The following ZNF584 variants were observed in gnomAD, a reference collection of about 807,000 sequenced individuals.
The protein encoded by ZNF584 is zinc finger protein 584.
A neutral mutation model predicts 14.7 loss-of-function variants in ZNF584; 12 were observed. That is an observed-to-expected ratio of 0.82 (90% CI 0.52 to 1.32). The LOEUF is 1.32. Among genes scored for constraint, ZNF584 ranks in the 40% most tolerant of loss-of-function variants. The pLI, the probability that ZNF584 is intolerant of heterozygous loss-of-function variation, is 0.00. For synonymous variants in ZNF584, 204 were observed against 190.9 expected (o/e 1.07, Z -0.57); for missense variants, 478 against 518.8 (o/e 0.92, Z 0.76).
chr19:58,417,347 A>G lies in ZNF584; in HGVS notation c.829A>G (p.Lys277Glu), dbSNP rs1460225005. ...ERPYECSKCG[K>E]TFSVLSTLIR... is the part of the protein sequence containing the mutation. ...GCCTTACGAGTGCAGCAAATGTGGT[A>G]AAACCTTCAGTGTTCTGTCTACCCT... is the stretch of plus-strand genomic sequence containing the variant. The change falls in exon 4 of 4, where the codon AAA (lysine) becomes GAA (glutamate). Residue 277 changes from lysine (K) to glutamate (E), a missense_variant. By Grantham distance (56) the Lys-to-Glu change is moderately conservative. Transcript: ENST00000306910. The G allele has an allele frequency of 6.2e-7, 1 of 1,614,150 alleles. No homozygotes were observed. Among genetic ancestry groups the G allele is most frequent in the South Asian group, 1.1e-5 (1 of 91,084 alleles).
In ZNF584 at chr19:58,408,796, G is replaced by C; in HGVS notation, c.-352G>C. 2 of 244,488 alleles carry C rather than the reference G, an allele frequency of 8.2e-6. No individual in the cohort carries two copies. The highest frequency in any genetic ancestry group is 1.5e-4 in the East Asian group (2 of 13,472). 15.1% of individuals were successfully genotyped at this position (244,488 alleles called of 1,614,324 possible). On this transcript the variant is annotated 5_prime_UTR_variant, in exon 1 of 4. Coordinates refer to ENST00000306910, the MANE Select transcript of ZNF584 (RefSeq NM_173548.3). The stretch of plus-strand genomic sequence containing the variant: ...GTCCGCAGTCCTCGGCGGGAAGGCT[G>C]TCCCGGCGCCTCAGGCAGCTCTGCG...
upstream of ZNF584, chr19:58,404,503 A>T (rs2052451069): frequency 6.1e-6 from 1 of 164,898 alleles, no homozygotes; most frequent in South Asian, 1.2e-4. Context: ...TAATCCATTC[A>T]ACCCTGAGTG....
chr19:58,409,193 A>AG, intron 1 of ZNF584, 28 bp downstream of exon 1: 2 of 1,409,932 alleles, frequency 1.4e-6, no homozygotes, highest in South Asian at 1.6e-5. Flanking sequence ...CCGAGGAATG[A>AG]GGGGGCCCAC....
intron 2 of ZNF584, among the ~76,000 whole-genome samples, chr19:58,412,154 T>A (rs1252392913): frequency 2.0e-5 from 3 of 150,424 alleles, no homozygotes; most frequent in Non-Finnish European, 4.4e-5. Flanking sequence ...CTAATTTTTT[T>A]ATTTTTAGTA....
Position 58,409,032 on chromosome 19 carries a change from A to T in ZNF584, c.-116A>T. 8 of 1,333,662 alleles carry T rather than the reference A, an allele frequency of 6.0e-6. No individual in the cohort carries two copies. The highest frequency in any genetic ancestry group is 6.0e-6 in the Non-Finnish European group (6 of 1,005,574). 82.6% of individuals were successfully genotyped at this position (1,333,662 alleles called of 1,614,324 possible). ...GGTTCCCTGTCTTCGGACGCATTTC[A>T]CCCGCGCGGGGAGAGCTTCCCGGGA... On this transcript the variant is annotated 5_prime_UTR_variant, in exon 1 of 4. Transcript: ENST00000306910.
At chr19:58,406,316 C>T (rs952381953), upstream of ZNF584, 1 of 114,714 alleles carries the variant, frequency 8.7e-6, no homozygotes, top group South Asian at 3.2e-4. Flanking sequence ...AGCTTCGGCT[C>T]GGCATCAGAG....
rs2052501241 is a variant in ZNF584, at chr19:58,408,814, G to A, written c.-334G>A. ...GAAGGCTGTCCCGGCGCCTCAGGCA[G>A]CTCTGCGTGGGCCGGGGTGACTTCC... On this transcript the variant is annotated 5_prime_UTR_variant, in exon 1 of 4. Coordinates refer to ENST00000306910, the MANE Select transcript of ZNF584 (RefSeq NM_173548.3). The A allele has an allele frequency of 1.1e-5, 3 of 277,476 alleles. No homozygotes were observed. The highest frequency in any genetic ancestry group is 1.4e-4 in the South Asian group (1 of 6,970). The allele number at this position is 277,476 out of a possible 1,614,324, so 17.2% of individuals were successfully genotyped here.
In ZNF584 at chr19:58,417,958, G is replaced by T. The variant is rs1056786379; in HGVS notation, c.*174G>T. 8.1e-6 allele frequency: 6 copies of T among 736,662 alleles called. No homozygotes were observed. In the African/African-American group the frequency reaches 1.1e-4, roughly 13 times the overall value. The allele number at this position is 736,662 out of a possible 1,614,324, so 45.6% of individuals were successfully genotyped here. ...CGGGAGCCACATTGCACTCTGACTT[G>T]CCTGGGGCTGTTGGCAGTGTCACAT... On this transcript the variant is annotated 3_prime_UTR_variant, in exon 4 of 4. Coordinates refer to ENST00000306910, the MANE Select transcript of ZNF584 (RefSeq NM_173548.3).
chr19:58,407,765 T>A (rs2052486558), upstream of ZNF584, among the ~76,000 whole-genome samples: 1 of 152,196 alleles, frequency 6.6e-6, no homozygotes, highest in African/African-American at 2.4e-5. Context: ...TGCTCTAACA[T>A]GAACGCGTCT....
chr19:58,415,898 C>A, intron 3 of ZNF584: 1 of 1,599,054 alleles, frequency 6.3e-7, no homozygotes, highest in East Asian at 2.2e-5. Flanking sequence ...CTACTGTTGG[C>A]GACTCAGTGC....
upstream of ZNF584, chr19:58,404,691 CT>C (rs2052452454): frequency 4.4e-6 from 1 of 226,810 alleles, no homozygotes; most frequent in Non-Finnish European, 8.8e-6. Flanking sequence ...TCTTTCCCCC[CT>C]TTCTATTCCA....
intron 3 of ZNF584, 37 bp from the exon 4 acceptor site, chr19:58,416,774 A>C: frequency 2.0e-6 from 3 of 1,519,380 alleles, no homozygotes; most frequent in Non-Finnish European, 1.8e-6. Flanking sequence ...TCCTCCCTCT[A>C]GTTCAACTCT....
In ZNF584 at chr19:58,410,543, A is replaced by ATGTG. The variant is rs1386931776; in HGVS notation, c.169+453_169+454insGTGT. Among the ~76,000 whole-genome samples the ATGTG allele has an allele frequency of 5.9e-3, 136 of 23,148 alleles. 25 individuals are homozygous for ATGTG. Among genetic ancestry groups the ATGTG allele is most frequent in the Non-Finnish European group, 9.9e-3 (118 of 11,964 alleles). 15.2% of individuals were successfully genotyped at this position (23,148 alleles called of 152,430 possible). A position where few individuals can be genotyped will look rare whatever the true frequency, so the allele number is the denominator to read the frequency against. On this transcript the variant is annotated intron_variant, in intron 2 of 3. Transcript: ENST00000306910. ...AATATATATATATATATATATATAT[A>ATGTG]TATATATATATATATGTGTATATAT...
At chr19:58,410,561 G>GTATATATATATATA (rs1223527646) in intron 2 of ZNF584, among the ~76,000 whole-genome samples, 1 of 20,450 alleles carries the variant, frequency 4.9e-5, no homozygotes, top group South Asian at 1.1e-3. Context: ...ATATATATGT[G>GTATATATATATATA]TATATATATA....
upstream of ZNF584, among the ~76,000 whole-genome samples, chr19:58,407,731 C>A (rs759784593): frequency 2.0e-5 from 3 of 152,188 alleles, no homozygotes; most frequent in African/African-American, 4.8e-5. Context: ...GAACTCCGTT[C>A]GTCCGGGAGG....
upstream of ZNF584, chr19:58,405,914 C>T (rs552136207): frequency 1.1e-3 from 199 of 175,358 alleles, no homozygotes; most frequent in African/African-American, 4.3e-3. Flanking sequence ...GGCGGCCAGG[C>T]GGAGACGCTC....
chr19:58,403,274 A>T (rs562595144), intron 1 of ZNF584, among the ~76,000 whole-genome samples: 1 of 152,342 alleles, frequency 6.6e-6, no homozygotes, highest in East Asian at 1.9e-4. Context: ...ATCAACCCAG[A>T]TGTCCTTCAA....
chr19:58,402,244 T>C (rs2052436330), intron 1 of ZNF584, among the ~76,000 whole-genome samples: 1 of 147,486 alleles, frequency 6.8e-6, no homozygotes, highest in Non-Finnish European at 1.5e-5. Flanking sequence ...CGGCTTGGCG[T>C]GGCAAAGCTG....
intron 3 of ZNF584, chr19:58,416,401 TA>T: frequency 7.8e-6 from 1 of 128,694 alleles, no homozygotes; most frequent in Non-Finnish European, 1.5e-5. Flanking sequence ...CATGCCTGGC[TA>T]ATTTTTTTTT....
Sources: gnomAD v4.1 joint callset for allele counts (sites outside exome capture counted in the v4.1 genomes callset) on GRCh38, gnomAD v4.1.1 for gene constraint, MANE v1.5 for transcripts, NCBI Gene and HGNC (gene_info 2026-07-23, HGNC 2026-07-21) for gene names.